The following LAMA3 variants were observed in gnomAD, a reference collection of about 807,000 sequenced individuals.
LAMA3 encodes laminin subunit alpha-3.
LAMA3 carries 281 observed loss-of-function variants against 402.0 expected under a neutral mutation model. The ratio of observed to expected loss-of-function variants is 0.70; its 90% CI spans 0.63 to 0.77. The LOEUF (loss-of-function observed/expected upper bound fraction) is 0.77. Ranked by LOEUF, LAMA3 falls within the 30% of genes least tolerant of loss-of-function variation. The pLI is 0.00. For synonymous variants in LAMA3, 1,431 were observed against 1,558.4 expected (o/e 0.92, Z 1.93); for missense variants, 3,840 against 4,215.5 (o/e 0.91, Z 2.47).
chr18:23,744,047 A>G (rs1258048616), intron 2 of LAMA3, among the ~76,000 whole-genome samples: 1 of 152,236 alleles, frequency 6.6e-6, no homozygotes, highest in African/African-American at 2.4e-5. Flanking sequence ...TTCAACAAGC[A>G]TATAATTTAA....
At chr18:23,928,966 C>T (rs1232021355) in intron 64 of LAMA3, among the ~76,000 whole-genome samples, 1 of 152,176 alleles carries the variant, frequency 6.6e-6, no homozygotes, top group African/African-American at 2.4e-5. Context: ...TAGAAAGTAA[C>T]ATTATAATTT....
chr18:23,950,176 TGC>T lies in LAMA3; in HGVS notation c.9642+18_9642+19del. ...GCAGGAAAGGTGTGTAGCAGTCTGA[TGC>T]CATGGGGAGGGTCTGTAGAAACCAG... On this transcript the variant is annotated intron_variant, in intron 72 of 74. Coordinates refer to ENST00000313654, the MANE Select transcript of LAMA3 (RefSeq NM_198129.4). The T allele has an allele frequency of 6.2e-7, 1 of 1,613,902 alleles. No homozygotes were observed. The highest frequency in any genetic ancestry group is 8.5e-7 in the Non-Finnish European group (1 of 1,180,014).
At chr18:23,897,890 C>T (rs1010002975) in intron 44 of LAMA3, among the ~76,000 whole-genome samples, 2 of 152,116 alleles carry the variant, frequency 1.3e-5, no homozygotes, top group African/African-American at 2.4e-5. Context: ...CAGCTAAATA[C>T]GATAATCCCC....
chr18:23,953,236 G>A, intron 74 of LAMA3, 127 bp downstream of exon 74: 3 of 1,261,266 alleles, frequency 2.4e-6, no homozygotes, highest in Admixed American at 1.7e-5. Flanking sequence ...ACTGGCATGT[G>A]GGGAAAGGCA....
chr18:23,784,301 TG>T (rs2062496947), intron 12 of LAMA3, 144 bp downstream of exon 12: 6 of 947,082 alleles, frequency 6.3e-6, no homozygotes, highest in Admixed American at 1.9e-5. Context: ...TTACATGTGA[TG>T]GTCCTACCTG....
chr18:23,893,070 C>T (rs1222194039), intron 42 of LAMA3, among the ~76,000 whole-genome samples: 1 of 151,828 alleles, frequency 6.6e-6, no homozygotes, highest in African/African-American at 2.4e-5. Context: ...CCATATTTTC[C>T]ATAATTAATT....
chr18:23,736,865 G>A (rs2061484106), intron 2 of LAMA3, among the ~76,000 whole-genome samples: 1 of 152,164 alleles, frequency 6.6e-6, no homozygotes, highest in Non-Finnish European at 1.5e-5. Flanking sequence ...CTGGGGATGA[G>A]GGACCTTGGG....
chr18:23,934,337 C>G (rs1008749172), intron 67 of LAMA3, among the ~76,000 whole-genome samples: 6 of 152,160 alleles, frequency 3.9e-5, no homozygotes, highest in African/African-American at 1.4e-4. Flanking sequence ...GTGGTGTACC[C>G]TTGACTACAG....
At chr18:23,789,249 G>A (rs983052163) in intron 12 of LAMA3, among the ~76,000 whole-genome samples, 3 of 152,056 alleles carry the variant, frequency 2.0e-5, no homozygotes, top group Admixed American at 6.6e-5. Flanking sequence ...CAGTGACTTT[G>A]GAAATAGTTT....
intron 11 of LAMA3, among the ~76,000 whole-genome samples, chr18:23,780,350 AG>A (rs1442739352): frequency 9.6e-6 from 1 of 104,706 alleles, no homozygotes; most frequent in African/African-American, 3.7e-5. Flanking sequence ...GAAGGAAGGG[AG>A]GGAGGGAGGG....
chr18:23,938,741 A>G (rs2082389673), intron 67 of LAMA3, among the ~76,000 whole-genome samples: 1 of 151,996 alleles, frequency 6.6e-6, no homozygotes, highest in African/African-American at 2.4e-5. Flanking sequence ...GGCACCAGGC[A>G]GCCACTGGTC....
intron 1 of LAMA3, among the ~76,000 whole-genome samples, chr18:23,708,884 A>G (rs530658172): frequency 1.3e-5 from 2 of 149,748 alleles, no homozygotes; most frequent in Non-Finnish European, 3.0e-5. Flanking sequence ...CAGTCTCCCA[A>G]GTAGCTGGGA....
chr18:23,858,850 C>CTGGGGAACATTT (rs1268802713), intron 34 of LAMA3, 21 bp downstream of exon 34: 1 of 1,612,138 alleles, frequency 6.2e-7, no homozygotes, highest in Admixed American at 1.7e-5. Context: ...ACAGAAAGTG[C>CTGGGGAACATTT]TGGGGAACAT....
At chr18:23,882,157 T>C in intron 40 of LAMA3, 112 bp downstream of exon 40, 1 of 731,488 alleles carries the variant, frequency 1.4e-6, no homozygotes, top group Non-Finnish European at 2.5e-6. Context: ...CCAAAGGGTC[T>C]GGGATTTCTT....
At chr18:23,700,896 C>T (rs1050686252) in intron 1 of LAMA3, among the ~76,000 whole-genome samples, 1 of 152,022 alleles carries the variant, frequency 6.6e-6, no homozygotes, top group African/African-American at 2.4e-5. Context: ...TGGTGTTTCG[C>T]CATGTTGCCC....
intron 1 of LAMA3, among the ~76,000 whole-genome samples, chr18:23,692,868 G>C (rs542806207): frequency 2.0e-5 from 3 of 151,948 alleles, no homozygotes; most frequent in African/African-American, 7.2e-5. Context: ...TAACAATCCA[G>C]TTTGAATTGA....
At chr18:23,882,145 T>C in intron 40 of LAMA3, 100 bp downstream of exon 40, 1 of 752,176 alleles carries the variant, frequency 1.3e-6, no homozygotes, top group Non-Finnish European at 2.4e-6. Flanking sequence ...GGGAAGTGAT[T>C]ACCAAAGGGT....
Position 23,918,568 on chromosome 18 carries a change from A to G in LAMA3, c.7923+1873A>G, listed in dbSNP as rs1599096238. ...TAGCTGAGATTCCTAGGGACCCTCT[A>G]AAATCTATTAGGTTAGAAAAGTCCA... On this transcript the variant is annotated intron_variant, in intron 60 of 74. Coordinates refer to ENST00000313654, the MANE Select transcript of LAMA3 (RefSeq NM_198129.4). This position sits in a 1 kb window ranked among gnomAD's most constrained non-coding sequence, Gnocchi z 4.1. 6.6e-6 allele frequency among the ~76,000 whole-genome samples: 1 copy of G among 152,220 alleles called. No homozygotes were observed.
At chr18:23,720,262 ATTT>A (rs1169920415) in intron 2 of LAMA3, among the ~76,000 whole-genome samples, 4 of 152,284 alleles carry the variant, frequency 2.6e-5, no homozygotes, top group African/African-American at 9.6e-5. Context: ...TCTCTGCAAC[ATTT>A]TAAGAGTATT....
Sources: gnomAD v4.1 joint callset for allele counts (sites outside exome capture counted in the v4.1 genomes callset) on GRCh38, gnomAD v4.1.1 for gene constraint, Gnocchi (gnomAD v3.1) non-coding constraint, MANE v1.5 for transcripts, NCBI Gene and HGNC (gene_info 2026-07-23, HGNC 2026-07-21) for gene names.